CHRM3: variants seen among roughly 807,000 people sequenced by gnomAD.
CHRM3 encodes muscarinic acetylcholine receptor M3.
CHRM3 carries 11 observed loss-of-function variants against 41.8 expected under a neutral mutation model. That is an observed-to-expected ratio of 0.26 (90% CI 0.17 to 0.44). The LOEUF (loss-of-function observed/expected upper bound fraction) is 0.44. Among genes scored for constraint, CHRM3 ranks in the 20% least tolerant of loss-of-function variants. CHRM3 has a pLI of 1.00. For missense variants in CHRM3, 571 were observed against 745.4 expected (o/e 0.77, Z 2.72); for synonymous variants, 297 against 301.4 (o/e 0.99, Z 0.15).
chr1:239,411,527 C>G (rs1405253931), intron 1 of CHRM3, among the ~76,000 whole-genome samples: 1 of 151,730 alleles, frequency 6.6e-6, no homozygotes, highest in Non-Finnish European at 1.5e-5. Context: ...GAGTTCAAGA[C>G]CAGCCTGGCC....
At chr1:239,736,643 G>A (rs942850572) in intron 5 of CHRM3, among the ~76,000 whole-genome samples, 1 of 152,036 alleles carries the variant, frequency 6.6e-6, no homozygotes, top group African/African-American at 2.4e-5. Flanking sequence ...CTCCATCTCA[G>A]GATTTTGCTT....
intron 5 of CHRM3, among the ~76,000 whole-genome samples, chr1:239,768,258 T>C (rs865213): frequency 0.74 from 111,847 of 152,036 alleles, 41,532 homozygotes; most frequent in African/African-American, 0.77. Flanking sequence ...ATCTTAGGAT[T>C]AGCGTTCACT....
intron 3 of CHRM3, among the ~76,000 whole-genome samples, chr1:239,581,374 A>G (rs1018031275): frequency 7.3e-5 from 11 of 151,012 alleles, no homozygotes; most frequent in Admixed American, 1.3e-4. Flanking sequence ...CTATTAGGTG[A>G]CAAAGTTAGG....
At chr1:239,859,659 G>A (rs566177899) in intron 6 of CHRM3, among the ~76,000 whole-genome samples, 7 of 150,864 alleles carry the variant, frequency 4.6e-5, no homozygotes, top group Admixed American at 3.3e-4. Context: ...CAAGTGATCC[G>A]CCTGCCTCAG....
intron 2 of CHRM3, among the ~76,000 whole-genome samples, chr1:239,531,942 A>C (rs2148333958): frequency 6.7e-6 from 1 of 148,518 alleles, no homozygotes; most frequent in East Asian, 2.0e-4. Context: ...TACAGGCTCG[A>C]GCCGCCGTGC....
chr1:239,686,573 A>T (rs867070446), intron 5 of CHRM3, among the ~76,000 whole-genome samples: 1 of 151,694 alleles, frequency 6.6e-6, no homozygotes, highest in Non-Finnish European at 1.5e-5. Context: ...AGAATTCACC[A>T]CTCTGCACTA....
chr1:239,915,183 C>T lies in CHRM3; in HGVS notation c.*5959C>T, dbSNP rs1245199138. On this transcript the variant is annotated 3_prime_UTR_variant, in exon 7 of 7. Coordinates refer to ENST00000676153, the MANE Select transcript of CHRM3 (RefSeq NM_001375978.1). ...CCAAAAACAGATGGGTGTATATTTGCTTTGTAAGCAAAGGGCATGTATCAT... is the reference window on the plus strand; with the variant it reads ...CCAAAAACAGATGGGTGTATATTTGTTTTGTAAGCAAAGGGCATGTATCAT... 1 of 167,060 alleles carries T rather than the reference C, an allele frequency of 6.0e-6. No homozygotes were observed. Among genetic ancestry groups the T allele is most frequent in the Non-Finnish European group, 1.5e-5 (1 of 68,112 alleles). 10.3% of individuals were successfully genotyped at this position (167,060 alleles called of 1,614,324 possible). A position where few individuals can be genotyped will look rare whatever the true frequency, so the allele number is the denominator to read the frequency against.
At chr1:239,662,893 C>CTCCTCCTCCTCTTCTTCTTCTTCTTCT (rs377732277) in intron 4 of CHRM3, among the ~76,000 whole-genome samples, 11 of 46,388 alleles carry the variant, frequency 2.4e-4, no homozygotes, top group African/African-American at 8.7e-4. Context: ...CTTCCTCCTC[C>CTCCTCCTCCTCTTCTTCTTCTTCTTCT]TCTTCTTCTT....
At chr1:239,695,873 T>C (rs369420424) in intron 5 of CHRM3, among the ~76,000 whole-genome samples, 11 of 152,324 alleles carry the variant, frequency 7.2e-5, no homozygotes, top group Admixed American at 2.6e-4. Flanking sequence ...GCTCAAAAAT[T>C]TGCACAATTC....
intron 5 of CHRM3, among the ~76,000 whole-genome samples, chr1:239,750,882 T>G (rs772008001): frequency 6.6e-6 from 1 of 152,186 alleles, no homozygotes; most frequent in Non-Finnish European, 1.5e-5. Context: ...CTAAAGTTTT[T>G]CTTTTAACAC....
chr1:239,541,588 C>T (rs1017569693), intron 2 of CHRM3, among the ~76,000 whole-genome samples: 1 of 151,972 alleles, frequency 6.6e-6, no homozygotes. Flanking sequence ...TACCTCTCAC[C>T]ACAACCTCCA....
chr1:239,835,715 G>A (rs1467762501), intron 6 of CHRM3, among the ~76,000 whole-genome samples: 1 of 152,230 alleles, frequency 6.6e-6, no homozygotes, highest in Non-Finnish European at 1.5e-5. Flanking sequence ...CCCATGGAGT[G>A]AGGTAGTATC....
chr1:239,541,006 A>G (rs1658719367), intron 2 of CHRM3, among the ~76,000 whole-genome samples: 1 of 152,094 alleles, frequency 6.6e-6, no homozygotes, highest in Non-Finnish European at 1.5e-5. Context: ...AGATTTAAGA[A>G]CTCGGTGTAC....
At chr1:239,446,739 T>C (rs755669754) in intron 1 of CHRM3, among the ~76,000 whole-genome samples, 15 of 152,302 alleles carry the variant, frequency 9.8e-5, no homozygotes, top group Non-Finnish European at 1.8e-4. Flanking sequence ...ATATTAAGTA[T>C]GATAAAGGCA....
intron 6 of CHRM3, among the ~76,000 whole-genome samples, chr1:239,901,414 T>C (rs1405230003): frequency 6.6e-6 from 1 of 152,120 alleles, no homozygotes; most frequent in Non-Finnish European, 1.5e-5. Flanking sequence ...TAATTTTATC[T>C]TCCTCCTCCA....
chr1:239,904,944 A>G (rs998811223), intron 6 of CHRM3, among the ~76,000 whole-genome samples: 1 of 152,180 alleles, frequency 6.6e-6, no homozygotes, highest in African/African-American at 2.4e-5. Flanking sequence ...TATAGGTATT[A>G]TGTGTATACA....
chr1:239,820,103 C>T (rs1671916925), intron 5 of CHRM3, among the ~76,000 whole-genome samples: 2 of 152,188 alleles, frequency 1.3e-5, no homozygotes, highest in South Asian at 4.1e-4. Context: ...GACCACTTCC[C>T]CTTTACCCTC....
chr1:239,620,381 G>C (rs552658919), intron 3 of CHRM3, among the ~76,000 whole-genome samples: 1 of 152,234 alleles, frequency 6.6e-6, no homozygotes, highest in South Asian at 2.1e-4. Context: ...ATAATAAATA[G>C]ATACATCTGT....
intron 5 of CHRM3, among the ~76,000 whole-genome samples, chr1:239,751,300 T>G (rs1558511322): frequency 6.6e-6 from 1 of 151,924 alleles, no homozygotes; most frequent in Admixed American, 6.6e-5. Flanking sequence ...TGAAGATATA[T>G]GAAATAACTT....
Sources: gnomAD v4.1 joint callset for allele counts (sites outside exome capture counted in the v4.1 genomes callset) on GRCh38, gnomAD v4.1.1 for gene constraint, MANE v1.5 for transcripts, NCBI Gene and HGNC (gene_info 2026-07-23, HGNC 2026-07-21) for gene names.